Variants in YTHDF3 observed in about 807,000 individuals in gnomAD.
The protein encoded by YTHDF3 is YTH N6-methyladenosine RNA binding protein F3.
A neutral mutation model predicts 52.5 loss-of-function variants in YTHDF3; 9 were observed. The observed-to-expected ratio is 0.17, with a 90% CI of 0.10 to 0.30. The LOEUF (loss-of-function observed/expected upper bound fraction) is 0.30. YTHDF3 is among the 10% of genes least tolerant of loss of function. The pLI is 1.00. For missense variants in YTHDF3, 534 were observed against 715.0 expected, an observed-to-expected ratio of 0.75 and a Z score of 2.89; for synonymous variants, 274 against 243.3, an observed-to-expected ratio of 1.13 and a Z score of -1.18.
chr8:63,209,829 A>G lies in YTHDF3; in HGVS notation c.*123A>G. ...TAAGGTGACATCTTTGAACACTTTAACACAAAGTTGACTCTTCTCGTAATG... is the reference window on the plus strand; with the variant it reads ...TAAGGTGACATCTTTGAACACTTTAGCACAAAGTTGACTCTTCTCGTAATG... On this transcript the variant is annotated 3_prime_UTR_variant, in exon 5 of 5. Coordinates refer to ENST00000539294, the MANE Select transcript of YTHDF3 (RefSeq NM_152758.6). 2.1e-6 allele frequency: 2 copies of G among 971,612 alleles called. No individual in the cohort carries two copies. Among genetic ancestry groups the G allele is most frequent in the Non-Finnish European group, 3.0e-6 (2 of 672,134 alleles). 60.2% of individuals were successfully genotyped at this position (971,612 alleles called of 1,614,324 possible). A position where few individuals can be genotyped will look rare whatever the true frequency, so the allele number is the denominator to read the frequency against.
In YTHDF3 at chr8:63,176,065, T is replaced by A. The variant is rs929619780; in HGVS notation, c.135+649T>A. 2.0e-5 allele frequency among the ~76,000 whole-genome samples: 3 copies of A among 152,304 alleles called. 1 individual carries two copies. The highest frequency in any genetic ancestry group is 2.0e-4 in the Admixed American group (3 of 15,294). On this transcript the variant is annotated intron_variant, in intron 3 of 4. Coordinates refer to ENST00000539294, the MANE Select transcript of YTHDF3 (RefSeq NM_152758.6). ...ACAAGCGTAATTCCAATTTAAACAT[T>A]GAAGAACAATGCTATTAGGTATCTG...
At chr8:63,196,886 GAATTC>G (rs1809274680) in intron 4 of YTHDF3, among the ~76,000 whole-genome samples, 1 of 152,122 alleles carries the variant, frequency 6.6e-6, no homozygotes, top group Admixed American at 6.6e-5. Context: ...GAATGAAAAA[GAATTC>G]AAGAAAGAAC....
chr8:63,194,434 G>A (rs1439615050), intron 4 of YTHDF3, among the ~76,000 whole-genome samples: 3 of 152,138 alleles, frequency 2.0e-5, no homozygotes, highest in Admixed American at 1.3e-4. Context: ...GCAGTGAGGC[G>A]AGTTCGTGCT....
At chr8:63,173,542 A>G (rs1807486180) in intron 2 of YTHDF3, 3 of 477,680 alleles carry the variant, frequency 6.3e-6, no homozygotes, top group South Asian at 1.8e-4. Context: ...AGTTAGTCAT[A>G]ATTTTTAAGT....
intron 4 of YTHDF3, chr8:63,188,653 C>G (rs1019839971): frequency 8.4e-6 from 1 of 118,660 alleles, no homozygotes; most frequent in Admixed American, 9.0e-5. Context: ...ATGTTTTACT[C>G]TAATTTTGTG....
At position 63,169,422 on chromosome 8, in the gene YTHDF3, ATTT is replaced by A. The variant is rs745595473; in HGVS notation, c.49+20_49+22del. On this transcript the variant is annotated intron_variant, in intron 2 of 4. Coordinates refer to ENST00000539294, the MANE Select transcript of YTHDF3 (RefSeq NM_152758.6). ...GGCAAGGAAATAAAGGTGAGTTTGG[ATTT>A]TTTTTTTTCTTATTGCTCAATGTTG... The A allele has an allele frequency of 1.8e-5, 24 of 1,308,260 alleles. No individual in the cohort carries two copies. Among genetic ancestry groups the A allele is most frequent in the Non-Finnish European group, 1.5e-5 (14 of 958,226 alleles). The allele number at this position is 1,308,260 out of a possible 1,614,324, so 81.0% of individuals were successfully genotyped here. A position where few individuals can be genotyped will look rare whatever the true frequency, so the allele number is the denominator to read the frequency against.
chr8:63,184,822 C>G lies in YTHDF3; in HGVS notation c.136-1325C>G, dbSNP rs543393804. Among the ~76,000 whole-genome samples, 9 of 152,270 alleles carry G rather than the reference C, an allele frequency of 5.9e-5. No homozygotes were observed. The South Asian group carries it at 1.9e-3, about 32-fold the overall frequency. ...TGGATTTTTTTCACTTTGCATAATT[C>G]TACAAATTGTGAAGCTCTGTGCGGT... On this transcript the variant is annotated intron_variant, in intron 3 of 4. Coordinates refer to ENST00000539294, the MANE Select transcript of YTHDF3 (RefSeq NM_152758.6).
chr8:63,203,447 T>C (rs1809776383), intron 4 of YTHDF3, among the ~76,000 whole-genome samples: 1 of 152,226 alleles, frequency 6.6e-6, no homozygotes, highest in Non-Finnish European at 1.5e-5. Context: ...AGTTATAGTT[T>C]ACTAAATTTA....
Position 63,187,179 on chromosome 8 carries a change from G to A in YTHDF3, c.1168G>A (p.Glu390Lys), listed in dbSNP as rs1808576273. The A allele has an allele frequency of 1.2e-6, 2 of 1,613,890 alleles. No homozygotes were observed. Among genetic ancestry groups the A allele is most frequent in the African/African-American group, 2.7e-5 (2 of 74,932 alleles). The change falls in exon 4 of 5, where the codon GAA (glutamate) becomes AAA (lysine). Residue 390 changes from glutamate to lysine, a missense_variant. Glu to Lys is a moderately conservative substitution (Grantham distance 56). Around this residue, in one of 3 missense-constraint regions of YTHDF3, gnomAD observed 203 missense variants for 201.3 expected, o/e 1.01. Coordinates refer to ENST00000539294, the MANE Select transcript of YTHDF3 (RefSeq NM_152758.6). ...VPVSASPSSV[E>K]VHPVLEKLKA... is the part of the protein sequence containing the mutation. The stretch of plus-strand genomic sequence containing the variant: ...TGTCAGTGCTTCACCTTCTAGTGTA[G>A]AAGTGCATCCCGTGCTGGAAAAGCT...
chr8:63,168,773 C>T lies in YTHDF3; in HGVS notation c.-105C>T, dbSNP rs1585730653. ...TCTCAGCGAACGGCGGCAGCGGCGGCGGCTGGAACAATCACTCGGCCAAGG... is the reference window on the plus strand; with the variant it reads ...TCTCAGCGAACGGCGGCAGCGGCGGTGGCTGGAACAATCACTCGGCCAAGG... On this transcript the variant is annotated 5_prime_UTR_variant, in exon 1 of 5. Coordinates refer to ENST00000539294, the MANE Select transcript of YTHDF3 (RefSeq NM_152758.6). 4 of 1,545,970 alleles carry T rather than the reference C, an allele frequency of 2.6e-6. No homozygotes were observed. The East Asian group carries it at 7.4e-5, about 28-fold the overall frequency.
At chr8:63,169,574 C>CT in intron 2 of YTHDF3, 163 bp downstream of exon 2, 1 of 714,648 alleles carries the variant, frequency 1.4e-6, no homozygotes, top group Non-Finnish European at 2.3e-6. Context: ...TCCAGAACTT[C>CT]GGTAGTTCGT....
rs1181788786 is a variant in YTHDF3, at chr8:63,186,431, A to G, written c.420A>G (p.Gly140=). 2.5e-6 allele frequency: 4 copies of G among 1,614,000 alleles called. No homozygotes were observed. The African/African-American group carries it at 5.3e-5, about 22-fold the overall frequency. ...NADFSTWGTS[G]SQGQSTQSSA... Reference sequence around the variant, plus strand: ...ATTTCTCTACATGGGGGACAAGTGGATCTCAGGGACAATCAACACAAAGTT... The same window carrying G: ...ATTTCTCTACATGGGGGACAAGTGGGTCTCAGGGACAATCAACACAAAGTT... The change falls in exon 4 of 5, where the codon GGA becomes GGG. Residue 140 remains glycine, a synonymous_variant. Coordinates refer to ENST00000539294, the MANE Select transcript of YTHDF3 (RefSeq NM_152758.6).
Position 63,179,590 on chromosome 8 carries a change from C to G in YTHDF3, c.135+4174C>G, listed in dbSNP as rs1390900824. Among the ~76,000 whole-genome samples, 4 of 152,176 alleles carry G rather than the reference C, an allele frequency of 2.6e-5. No individual in the cohort carries two copies. The East Asian group carries it at 5.8e-4, about 22-fold the overall frequency. On this transcript the variant is annotated intron_variant, in intron 3 of 4. Coordinates refer to ENST00000539294, the MANE Select transcript of YTHDF3 (RefSeq NM_152758.6). ...CAGAAGAATTTTTCTTAGTACAGAA[C>G]AAAATGAAAAGTCTCCCATGTCTAC...
Position 63,187,122 on chromosome 8 carries a change from G to A in YTHDF3, c.1111G>A (p.Gly371Ser). 1 of 1,613,884 alleles carries A rather than the reference G, an allele frequency of 6.2e-7. No individual in the cohort carries two copies. Among genetic ancestry groups the A allele is most frequent in the Non-Finnish European group, 8.5e-7 (1 of 1,179,846 alleles). ...AGGCTTCAACCAGAACAATGGAGCG[G>A]GCAGTGAAAACTTTGGTTTAGGTGT... ...GAGFNQNNGA[G>S]SENFGLGVVP... Residue 371 changes from glycine to serine, a missense_variant, in exon 4 of 5, where the codon GGC (glycine) becomes AGC (serine). Transcript: ENST00000539294.
At position 63,186,962 on chromosome 8, in the gene YTHDF3, A is replaced by G. The variant is rs200938342; in HGVS notation, c.951A>G (p.Gln317=). 73 of 1,613,836 alleles carry G rather than the reference A, an allele frequency of 4.5e-5. No individual in the cohort carries two copies. Among genetic ancestry groups the G allele is most frequent in the African/African-American group, 1.1e-4 (8 of 75,042 alleles). ...LIQPPPLVQS[Q]LPQQQPQPPQ... ...AACCACCACCATTGGTGCAAAGCCAACTGCCTCAACAGCAGCCTCAACCAC... is the reference window on the plus strand; with the variant it reads ...AACCACCACCATTGGTGCAAAGCCAGCTGCCTCAACAGCAGCCTCAACCAC... Residue 317 remains glutamine (Q), a synonymous_variant, in exon 4 of 5, where the codon CAA becomes CAG. Coordinates refer to ENST00000539294, the MANE Select transcript of YTHDF3 (RefSeq NM_152758.6).
chr8:63,175,568 A>C, intron 3 of YTHDF3, 152 bp downstream of exon 3: 1 of 583,994 alleles, frequency 1.7e-6, no homozygotes, highest in Non-Finnish European at 3.0e-6. Flanking sequence ...TAGCAGTTGC[A>C]GATTTATGGC....
Position 63,186,227 on chromosome 8 carries a change from G to C in YTHDF3, c.216G>C (p.Gly72=). ...CCATTGGATTTCCATATTCTCTTGG[G>C]GAAGCAGCGTGGTCCACAGCTGGAG... ...APSIGFPYSL[G]EAAWSTAGDQ... Residue 72 remains glycine, a synonymous_variant, in exon 4 of 5, where the codon GGG becomes GGC. Coordinates refer to ENST00000539294, the MANE Select transcript of YTHDF3 (RefSeq NM_152758.6). 1 of 1,613,940 alleles carries C rather than the reference G, an allele frequency of 6.2e-7. No homozygotes were observed. Among genetic ancestry groups the C allele is most frequent in the South Asian group, 1.1e-5 (1 of 91,076 alleles).
chr8:63,202,663 A>G (rs1809715873), intron 4 of YTHDF3, among the ~76,000 whole-genome samples: 1 of 151,830 alleles, frequency 6.6e-6, no homozygotes, highest in South Asian at 2.1e-4. Context: ...GGGTTTTGAC[A>G]TGTTTGTCAG....
intron 3 of YTHDF3, chr8:63,175,689 T>G: frequency 4.0e-6 from 1 of 249,344 alleles, no homozygotes; most frequent in Middle Eastern, 1.4e-3. Context: ...AGGTTTTTTG[T>G]GTGTGTGTAT....
Sources: gnomAD v4.1 joint callset for allele counts (sites outside exome capture counted in the v4.1 genomes callset) on GRCh38, gnomAD v4.1.1 for gene constraint, gnomAD v4.1.1 regional missense constraint, MANE v1.5 for transcripts, NCBI Gene and HGNC (gene_info 2026-07-23, HGNC 2026-07-21) for gene names.